BACH2: variants seen among roughly 807,000 people sequenced by gnomAD.
BACH2 encodes BACH transcriptional regulator 2, also known as transcription regulator protein BACH2.
In BACH2, 5 loss-of-function variants were observed where a neutral mutation model predicts 61.8. The observed-to-expected ratio is 0.08, with a 90% confidence interval of 0.04 to 0.17. The LOEUF is 0.17. BACH2 is among the 10% of genes least tolerant of loss of function. BACH2 has a pLI of 1.00. For synonymous variants in BACH2, 446 were observed against 440.1 expected (o/e 1.01, Z -0.17); for missense variants, 824 against 1,091.1 (o/e 0.76, Z 3.45).
Position 89,951,158 on chromosome 6 carries a change from A to G in BACH2, c.948T>C (p.Pro316=). ...DVEMDRKQPS[P]APTPTAPAGA... is the part of the protein sequence containing the mutation. ...CAGCTGGGGCCGTGGGGGTAGGGGC[A>G]GGGCTGGGCTGTTTCCGGTCCATCT... The change falls in exon 7 of 9, where the codon CCT becomes CCC. Residue 316 remains proline, a synonymous_variant. Transcript: ENST00000257749. The surrounding 1 kb of genome is among the most constrained non-coding windows in gnomAD (Gnocchi z 6.4). The G allele has an allele frequency of 6.2e-7, 1 of 1,613,138 alleles. No homozygotes were observed. The highest frequency in any genetic ancestry group is 1.3e-5 in the African/African-American group (1 of 75,002).
intron 5 of BACH2, among the ~76,000 whole-genome samples, chr6:90,060,142 AC>A (rs757875952): frequency 2.8e-4 from 42 of 149,818 alleles, no homozygotes; most frequent in South Asian, 6.2e-4. Flanking sequence ...AAAAAAAAAA[AC>A]AAAGAAAACA....
intron 3 of BACH2, among the ~76,000 whole-genome samples, chr6:90,210,585 A>G (rs577143933): frequency 1.3e-5 from 2 of 152,374 alleles, no homozygotes; most frequent in African/African-American, 4.8e-5. Context: ...CATCTTAAAT[A>G]TAAAGCATTA....
intron 5 of BACH2, among the ~76,000 whole-genome samples, chr6:90,053,334 C>T (rs1009679801): frequency 2.6e-5 from 4 of 151,980 alleles, no homozygotes; most frequent in African/African-American, 9.7e-5. Flanking sequence ...AGCTGGAGTA[C>T]AGTGGTGTGA....
chr6:89,984,434 C>T (rs548077673), intron 6 of BACH2, among the ~76,000 whole-genome samples: 2 of 151,878 alleles, frequency 1.3e-5, no homozygotes, highest in Non-Finnish European at 2.9e-5. Context: ...AAGAGGGCTA[C>T]AGAAATAGGT....
intron 3 of BACH2, among the ~76,000 whole-genome samples, chr6:90,250,245 TC>T (rs1413144658): frequency 6.6e-6 from 1 of 152,120 alleles, no homozygotes; most frequent in African/African-American, 2.4e-5. Flanking sequence ...GGGCAAATCA[TC>T]TAACATATCC....
chr6:90,016,404 T>C (rs1562371860), intron 5 of BACH2, among the ~76,000 whole-genome samples: 1 of 152,210 alleles, frequency 6.6e-6, no homozygotes, highest in African/African-American at 2.4e-5. Context: ...ATTATTGGCA[T>C]GTTGTTTTGT....
chr6:90,111,191 C>T lies in BACH2; in HGVS notation c.-161-22082G>A, dbSNP rs77768759. Among the ~76,000 whole-genome samples, 11 of 152,222 alleles carry T rather than the reference C, an allele frequency of 7.2e-5. 1 individual carries two copies. In the East Asian group the frequency reaches 1.9e-3, roughly 27 times the overall value. The stretch of plus-strand genomic sequence containing the variant: ...GCATTCCCTGATAAGATCTTGCGGG[C>T]CCCCAGGAACCCACAGACCACACTT... On this transcript the variant is annotated intron_variant, in intron 4 of 8. Coordinates refer to ENST00000257749, the MANE Select transcript of BACH2 (RefSeq NM_021813.4).
chr6:90,235,049 G>A (rs1770214267), intron 3 of BACH2, among the ~76,000 whole-genome samples: 1 of 152,192 alleles, frequency 6.6e-6, no homozygotes, highest in South Asian at 2.1e-4. Flanking sequence ...TCAGGTATAA[G>A]ACATGGTAAA....
intron 4 of BACH2, among the ~76,000 whole-genome samples, chr6:90,108,146 C>T (rs531453029): frequency 6.6e-6 from 1 of 152,328 alleles, no homozygotes; most frequent in South Asian, 2.1e-4. Context: ...AAACCAGACA[C>T]AGTTCACTTC....
At chr6:90,172,030 G>A (rs947459173) in intron 4 of BACH2, among the ~76,000 whole-genome samples, 20 of 152,008 alleles carry the variant, frequency 1.3e-4, no homozygotes, top group African/African-American at 4.6e-4. Context: ...TTATATGGCC[G>A]GGCACAGTGG....
intron 6 of BACH2, among the ~76,000 whole-genome samples, chr6:89,988,452 T>C (rs774498892): frequency 3.9e-5 from 6 of 152,130 alleles, no homozygotes; most frequent in Non-Finnish European, 5.9e-5. Context: ...AAGTTATAAA[T>C]ATTGTACACA....
intron 5 of BACH2, among the ~76,000 whole-genome samples, chr6:90,015,157 C>G (rs1777992696): frequency 6.6e-6 from 1 of 152,164 alleles, no homozygotes; most frequent in African/African-American, 2.4e-5. Context: ...ATTACTGATA[C>G]TGAAAATTTG....
intron 4 of BACH2, among the ~76,000 whole-genome samples, chr6:90,110,152 G>A (rs1194400830): frequency 6.6e-6 from 1 of 152,152 alleles, no homozygotes; most frequent in Admixed American, 6.5e-5. Flanking sequence ...TTGATGGAAG[G>A]ACATGAAGAA....
chr6:89,951,934 C>T lies in BACH2; in HGVS notation c.244-72G>A. ...ATTGTCCCGAATCCCTCAACTGAAG[C>T]AAGATAACCAGACAGTGCTAATGTC... On this transcript the variant is annotated intron_variant, in intron 6 of 8. Coordinates refer to ENST00000257749, the MANE Select transcript of BACH2 (RefSeq NM_021813.4). This position sits in a 1 kb window ranked among gnomAD's most constrained non-coding sequence, Gnocchi z 6.4. The T allele has an allele frequency of 6.5e-7, 1 of 1,528,360 alleles. No individual in the cohort carries two copies. The highest frequency in any genetic ancestry group is 8.9e-7 in the Non-Finnish European group (1 of 1,122,892). 94.7% of individuals were successfully genotyped at this position (1,528,360 alleles called of 1,614,324 possible).
intron 6 of BACH2, among the ~76,000 whole-genome samples, chr6:89,963,422 T>C (rs902270251): frequency 6.6e-6 from 1 of 152,130 alleles, no homozygotes; most frequent in African/African-American, 2.4e-5. Context: ...GTTTCCCAAG[T>C]AGCTGGGACA....
rs578172750 is a variant in BACH2 at position 90,176,160 on chromosome 6, T to C, written c.-162+30409A>G. 3.9e-5 allele frequency among the ~76,000 whole-genome samples: 6 copies of C among 152,330 alleles called. No homozygotes were observed. In the South Asian group the frequency reaches 1.2e-3, roughly 32 times the overall value. On this transcript the variant is annotated intron_variant, in intron 4 of 8. Transcript: ENST00000257749. Reference sequence around the variant, plus strand: ...TAACAAATTTCTTCCTTCCAAGCCCTGTTCTCATTTCCCCTTCAGTGGCTG... The same window carrying C: ...TAACAAATTTCTTCCTTCCAAGCCCCGTTCTCATTTCCCCTTCAGTGGCTG...
intron 4 of BACH2, among the ~76,000 whole-genome samples, chr6:90,151,541 T>A (rs935420379): frequency 6.6e-6 from 1 of 152,232 alleles, no homozygotes; most frequent in African/African-American, 2.4e-5. Flanking sequence ...TGTTCCCACC[T>A]TGGTCTCCCA....
chr6:89,989,160 C>T (rs1343088126), intron 6 of BACH2, among the ~76,000 whole-genome samples: 1 of 152,178 alleles, frequency 6.6e-6, no homozygotes, highest in East Asian at 1.9e-4. Context: ...GACAATCATA[C>T]TCTTTTCACA....
intron 6 of BACH2, among the ~76,000 whole-genome samples, chr6:89,996,308 C>T (rs757854570): frequency 6.6e-6 from 1 of 152,212 alleles, no homozygotes; most frequent in Non-Finnish European, 1.5e-5. Flanking sequence ...GGCTGTGTCT[C>T]CTGACTGTGC....
Sources: gnomAD v4.1 joint callset for allele counts (sites outside exome capture counted in the v4.1 genomes callset) on GRCh38, gnomAD v4.1.1 for gene constraint, Gnocchi (gnomAD v3.1) non-coding constraint, MANE v1.5 for transcripts, NCBI Gene and HGNC (gene_info 2026-07-23, HGNC 2026-07-21) for gene names.